The following ZFHX3 variants were observed in gnomAD, a reference collection of about 807,000 sequenced individuals.
ZFHX3 encodes zinc finger homeobox 3, also known as zinc finger homeobox protein 3.
Under a neutral mutation model 279.1 loss-of-function variants are expected in ZFHX3, and 42 were observed. That is an observed-to-expected ratio of 0.15 (90% CI 0.12 to 0.19). The LOEUF is 0.19. Among genes scored for constraint, ZFHX3 ranks in the 10% least tolerant of loss-of-function variants. The pLI is 1.00. For missense variants in ZFHX3, 4,981 were observed against 4,754.0 expected (o/e 1.05, Z -1.40); for synonymous variants, 2,293 against 1,957.8 (o/e 1.17, Z -4.52).
chr16:73,010,024 GA>G (rs10709712), intron 1 of ZFHX3, among the ~76,000 whole-genome samples: 5,010 of 84,648 alleles, frequency 0.059, 290 homozygotes, highest in African/African-American at 0.17. Flanking sequence ...CCCTCTCAAA[GA>G]AAAAAAAAAA....
intron 5 of ZFHX3, among the ~76,000 whole-genome samples, chr16:73,168,549 C>A (rs956121846): frequency 6.6e-6 from 1 of 152,108 alleles, no homozygotes; most frequent in Non-Finnish European, 1.5e-5. Context: ...AGCCACTGTA[C>A]CTGGTCCAGC....
intron 8 of ZFHX3, among the ~76,000 whole-genome samples, chr16:73,072,900 A>G (rs200428423): frequency 7.0e-6 from 1 of 142,924 alleles, no homozygotes; most frequent in East Asian, 2.0e-4. Context: ...TTCTTTTTCT[A>G]TTTTTTTTTT....
At chr16:73,870,077 G>C (rs1172451500) in intron 1 of ZFHX3, among the ~76,000 whole-genome samples, 1 of 152,184 alleles carries the variant, frequency 6.6e-6, no homozygotes, top group African/African-American at 2.4e-5. Context: ...TCTGAATACA[G>C]AGTATACGTA....
chr16:73,532,638 G>A (rs2019826459), intron 2 of ZFHX3, among the ~76,000 whole-genome samples: 1 of 152,124 alleles, frequency 6.6e-6, no homozygotes, highest in South Asian at 2.1e-4. Flanking sequence ...TGTAGCCTTA[G>A]TCAACTAACC....
At chr16:73,702,933 T>C (rs751912580) in intron 1 of ZFHX3, among the ~76,000 whole-genome samples, 1 of 152,038 alleles carries the variant, frequency 6.6e-6, no homozygotes, top group Non-Finnish European at 1.5e-5. Context: ...AACTACCTAA[T>C]GGTGTCGGTA....
chr16:73,405,072 C>T (rs1055340419), intron 3 of ZFHX3, among the ~76,000 whole-genome samples: 20 of 152,234 alleles, frequency 1.3e-4, no homozygotes, highest in South Asian at 1.2e-3. Context: ...GGCTGTTGCT[C>T]TTCAAGGCTG....
chr16:72,988,441 T>C (rs1336913705), intron 1 of ZFHX3, among the ~76,000 whole-genome samples: 3 of 152,228 alleles, frequency 2.0e-5, no homozygotes, highest in Non-Finnish European at 4.4e-5. Flanking sequence ...GGGGTCGATA[T>C]GCAGGCTGGA....
At chr16:73,622,139 G>C (rs1236640299) in intron 2 of ZFHX3, among the ~76,000 whole-genome samples, 1 of 152,122 alleles carries the variant, frequency 6.6e-6, no homozygotes, top group Non-Finnish European at 1.5e-5. Context: ...ACACAGACAG[G>C]CGTCTTCTGC....
chr16:73,704,372 G>A (rs141394446), intron 1 of ZFHX3, among the ~76,000 whole-genome samples: 31 of 152,268 alleles, frequency 2.0e-4, no homozygotes, highest in African/African-American at 6.0e-4. Context: ...CTCTTACAGA[G>A]CACCTCAAAC....
chr16:73,330,733 T>A (rs1008939292), intron 3 of ZFHX3, among the ~76,000 whole-genome samples: 3 of 152,152 alleles, frequency 2.0e-5, no homozygotes, highest in Non-Finnish European at 4.4e-5. Context: ...TATCAAATAT[T>A]TATGATTGTG....
At chr16:73,671,361 T>C (rs1473089557) in intron 2 of ZFHX3, among the ~76,000 whole-genome samples, 1 of 151,966 alleles carries the variant, frequency 6.6e-6, no homozygotes, top group African/African-American at 2.4e-5. Context: ...CCTTCGAGAA[T>C]CCAGAGCTCT....
intron 2 of ZFHX3, among the ~76,000 whole-genome samples, chr16:73,463,438 C>A (rs60128811): frequency 0.028 from 4,278 of 152,234 alleles, 224 homozygotes; most frequent in East Asian, 0.27. Context: ...CTCAGAAGAC[C>A]AGAGCCTATG....
chr16:73,308,252 TATATATATATATATATATATATA>T (rs1567446206), intron 4 of ZFHX3, among the ~76,000 whole-genome samples: 12 of 36,860 alleles, frequency 3.3e-4, no homozygotes, highest in South Asian at 7.4e-4. Flanking sequence ...TATATATATA[TATATATATATATATATATATATA>T]TATTTATTTA....
intron 3 of ZFHX3, among the ~76,000 whole-genome samples, chr16:73,433,622 C>A (rs557838718): frequency 2.0e-5 from 3 of 152,192 alleles, no homozygotes; most frequent in African/African-American, 7.2e-5. Context: ...AGTTTGCATA[C>A]ACACAGGGGG....
At chr16:72,982,083 A>G (rs995071878) in intron 1 of ZFHX3, among the ~76,000 whole-genome samples, 2 of 151,976 alleles carry the variant, frequency 1.3e-5, no homozygotes, top group Non-Finnish European at 2.9e-5. Flanking sequence ...GGGTTTCACC[A>G]TGTTGGCCAG....
At chr16:73,627,370 C>T (rs1439212691) in intron 2 of ZFHX3, among the ~76,000 whole-genome samples, 1 of 152,160 alleles carries the variant, frequency 6.6e-6, no homozygotes, top group Non-Finnish European at 1.5e-5. Context: ...ATCAGATTTG[C>T]AGATACTATT....
chr16:73,033,429 C>T (rs1475981689), intron 1 of ZFHX3, among the ~76,000 whole-genome samples: 1 of 152,204 alleles, frequency 6.6e-6, no homozygotes, highest in Non-Finnish European at 1.5e-5. Context: ...TGGGTCTTGA[C>T]AGAAGTGAAG....
At position 73,728,460 on chromosome 16, in the gene ZFHX3, C is replaced by T. The variant is rs144657858; in HGVS notation, c.-1607-48220G>A. On this transcript the variant is annotated intron_variant, in intron 1 of 17. Transcript: ENST00000641206. ...TAGATAGCCCAGATAGAGAATAGTC[C>T]CATCATTGTAAAAAGTTCTATTGGA... is the stretch of plus-strand genomic sequence containing the variant. 1.5e-3 allele frequency among the ~76,000 whole-genome samples: 232 copies of T among 152,226 alleles called. 2 individuals are homozygous for T. The highest frequency in any genetic ancestry group is 5.2e-3 in the African/African-American group (217 of 41,526).
At position 73,109,511 on chromosome 16, in the gene ZFHX3, G is replaced by A. The variant is rs529958321; in HGVS notation, c.-896-15913C>T. Reference sequence around the variant, plus strand: ...CTAAAATCAGCACGACACAGGTTACGTGGCTCCTGCGCAGGATGGATACAC... The same window carrying A: ...CTAAAATCAGCACGACACAGGTTACATGGCTCCTGCGCAGGATGGATACAC... On this transcript the variant is annotated intron_variant, in intron 7 of 17. Transcript: ENST00000641206. Among the ~76,000 whole-genome samples the A allele has an allele frequency of 6.0e-5, 9 of 149,468 alleles. 1 individual carries two copies. The highest frequency in any genetic ancestry group is 3.4e-4 in the Admixed American group (5 of 14,890).
Sources: gnomAD v4.1 joint callset for allele counts (sites outside exome capture counted in the v4.1 genomes callset) on GRCh38, gnomAD v4.1.1 for gene constraint, MANE v1.5 for transcripts, NCBI Gene and HGNC (gene_info 2026-07-23, HGNC 2026-07-21) for gene names.